The following PDLIM5 variants were observed in gnomAD, a reference collection of about 807,000 sequenced individuals.
PDLIM5 encodes the protein PDZ and LIM domain protein 5.
A neutral mutation model predicts 64.2 loss-of-function variants in PDLIM5; 34 were observed. The ratio of observed to expected loss-of-function variants is 0.53; its 90% CI spans 0.40 to 0.71. The LOEUF is 0.71. Among genes scored for constraint, PDLIM5 ranks in the 30% least tolerant of loss-of-function variants. The pLI is 0.00. For synonymous variants in PDLIM5, 253 were observed against 269.1 expected (o/e 0.94, Z 0.59); for missense variants, 683 against 733.6 (o/e 0.93, Z 0.80).
chr4:94,520,632 T>C (rs746468479), intron 2 of PDLIM5, among the ~76,000 whole-genome samples: 1 of 152,208 alleles, frequency 6.6e-6, no homozygotes, highest in Admixed American at 6.5e-5. Flanking sequence ...CATAGGAGTA[T>C]TTAGTTAAGT....
At chr4:94,594,476 G>T (rs1736910611) in intron 7 of PDLIM5, among the ~76,000 whole-genome samples, 1 of 151,876 alleles carries the variant, frequency 6.6e-6, no homozygotes, top group Non-Finnish European at 1.5e-5. Flanking sequence ...ATTTAAAAGA[G>T]GCAACAGCCA....
At chr4:94,584,946 G>T in intron 5 of PDLIM5, 1 of 1,411,990 alleles carries the variant, frequency 7.1e-7, no homozygotes, top group Non-Finnish European at 9.9e-7. Context: ...TCTTCATGTT[G>T]GAAATCTTTC....
intron 2 of PDLIM5, among the ~76,000 whole-genome samples, chr4:94,474,881 C>T (rs867871382): frequency 1.3e-5 from 2 of 152,108 alleles, no homozygotes; most frequent in Admixed American, 6.6e-5. Context: ...TGAACTGTTG[C>T]ACTCAGGCTG....
chr4:94,541,791 C>G (rs761961459), intron 3 of PDLIM5, among the ~76,000 whole-genome samples: 33 of 152,140 alleles, frequency 2.2e-4, no homozygotes, highest in Non-Finnish European at 4.9e-4. Flanking sequence ...CCCTGGGAGT[C>G]TCTTTACTGA....
chr4:94,599,089 A>G (rs1643594049), intron 7 of PDLIM5, among the ~76,000 whole-genome samples: 1 of 152,182 alleles, frequency 6.6e-6, no homozygotes, highest in African/African-American at 2.4e-5. Context: ...TTATTTTTCT[A>G]ATTAAATGAG....
At chr4:94,544,875 T>C (rs1173549535) in intron 3 of PDLIM5, among the ~76,000 whole-genome samples, 1 of 152,222 alleles carries the variant, frequency 6.6e-6, no homozygotes, top group Non-Finnish European at 1.5e-5. Flanking sequence ...GGGAAGTATG[T>C]GCATGAGATT....
chr4:94,483,773 AC>A (rs1726076554), intron 2 of PDLIM5, among the ~76,000 whole-genome samples: 1 of 152,108 alleles, frequency 6.6e-6, no homozygotes, highest in Non-Finnish European at 1.5e-5. Flanking sequence ...CATGATTATT[AC>A]CCTGCTTTTA....
chr4:94,471,812 A>G (rs1724894554), intron 2 of PDLIM5, among the ~76,000 whole-genome samples: 1 of 152,200 alleles, frequency 6.6e-6, no homozygotes, highest in African/African-American at 2.4e-5. Flanking sequence ...CACAGTAAGT[A>G]TTCAGTTAAG....
At chr4:94,563,958 C>CTTTTT (rs796820308) in intron 3 of PDLIM5, among the ~76,000 whole-genome samples, 58 of 119,352 alleles carry the variant, frequency 4.9e-4, no homozygotes, top group Non-Finnish European at 7.1e-4. Flanking sequence ...TTCTTTCTTT[C>CTTTTT]TTTTTTTTTT....
intron 8 of PDLIM5, among the ~76,000 whole-genome samples, chr4:94,632,126 C>T (rs1560753611): frequency 6.6e-6 from 1 of 152,258 alleles, no homozygotes; most frequent in African/African-American, 2.4e-5. Flanking sequence ...ACCTTTCTGG[C>T]AGTTATCCCA....
At chr4:94,621,388 G>A (rs1739230953) in intron 8 of PDLIM5, among the ~76,000 whole-genome samples, 1 of 152,142 alleles carries the variant, frequency 6.6e-6, no homozygotes, top group Admixed American at 6.5e-5. Flanking sequence ...TATGTATGAT[G>A]ATGAAGATTT....
At chr4:94,577,606 T>C (rs1393632065) in intron 5 of PDLIM5, among the ~76,000 whole-genome samples, 2 of 144,632 alleles carry the variant, frequency 1.4e-5, no homozygotes, top group Non-Finnish European at 3.0e-5. Context: ...TTTTTTTTAG[T>C]ATGTTTATTT....
At chr4:94,635,065 T>C (rs1412801784) in intron 8 of PDLIM5, among the ~76,000 whole-genome samples, 1 of 152,202 alleles carries the variant, frequency 6.6e-6, no homozygotes, top group Non-Finnish European at 1.5e-5. Flanking sequence ...AAAGATTAAA[T>C]ATGAATGTTA....
chr4:94,598,748 C>T (rs1262009270), intron 7 of PDLIM5, among the ~76,000 whole-genome samples: 1 of 151,864 alleles, frequency 6.6e-6, no homozygotes, highest in African/African-American at 2.4e-5. Flanking sequence ...ATGATATATT[C>T]TATAAAGTAA....
intron 3 of PDLIM5, among the ~76,000 whole-genome samples, chr4:94,570,806 G>A (rs1221507464): frequency 6.6e-6 from 1 of 152,082 alleles, no homozygotes; most frequent in South Asian, 2.1e-4. Context: ...CCATGCTGTG[G>A]GAAACTTAGA....
At chr4:94,604,934 C>G (rs142694806) in intron 7 of PDLIM5, among the ~76,000 whole-genome samples, 1 of 152,136 alleles carries the variant, frequency 6.6e-6, no homozygotes, top group African/African-American at 2.4e-5. Context: ...GTGACCTTAG[C>G]AAGATGCAGT....
chr4:94,549,262 G>A (rs1031913350), intron 3 of PDLIM5, among the ~76,000 whole-genome samples: 12 of 152,154 alleles, frequency 7.9e-5, no homozygotes, highest in Non-Finnish European at 1.6e-4. Flanking sequence ...TACAGGGTTA[G>A]TTGCTAAATA....
rs569194938 is a variant in PDLIM5, at chr4:94,518,736, A to G, written c.97-4988A>G. Among the ~76,000 whole-genome samples, 60 of 152,138 alleles carry G rather than the reference A, an allele frequency of 3.9e-4. 1 individual carries two copies. The highest frequency in any genetic ancestry group is 3.9e-3 in the Admixed American group (60 of 15,272). ...TATTTTGATGTTCTGTTCTGTTTAGATATTATTTTGTGCATATGTACTTGG... is the reference window on the plus strand; with the variant it reads ...TATTTTGATGTTCTGTTCTGTTTAGGTATTATTTTGTGCATATGTACTTGG... On this transcript the variant is annotated intron_variant, in intron 2 of 12. Transcript: ENST00000317968.
chr4:94,523,282 G>C (rs1729993728), intron 2 of PDLIM5, among the ~76,000 whole-genome samples: 1 of 152,162 alleles, frequency 6.6e-6, no homozygotes. Context: ...TTCCCTCTCT[G>C]TTCCTCTTTG....
Sources: gnomAD v4.1 joint callset for allele counts (sites outside exome capture counted in the v4.1 genomes callset) on GRCh38, gnomAD v4.1.1 for gene constraint, MANE v1.5 for transcripts, NCBI Gene and HGNC (gene_info 2026-07-23, HGNC 2026-07-21) for gene names.